Variants in ZBBX observed in about 807,000 individuals in gnomAD.
The protein encoded by ZBBX is zinc finger B-box domain-containing protein 1.
A neutral mutation model predicts 108.5 loss-of-function variants in ZBBX; 101 were observed. The ratio of observed to expected loss-of-function variants is 0.93; its 90% CI spans 0.79 to 1.10. The LOEUF is 1.10. ZBBX is among the 50% of genes least tolerant of loss of function. The pLI is 0.00. For synonymous variants in ZBBX, 356 were observed against 323.4 expected (o/e 1.10, Z -1.08); for missense variants, 1,009 against 941.4 (o/e 1.07, Z -0.94).
intron 20 of ZBBX, among the ~76,000 whole-genome samples, chr3:167,260,201 G>C (rs926665752): frequency 2.6e-5 from 4 of 152,174 alleles, no homozygotes; most frequent in Admixed American, 6.5e-5. Flanking sequence ...TGAGAAATCT[G>C]CTGTTAATCT....
At chr3:167,248,943 G>A (rs1160985686) in intron 20 of ZBBX, among the ~76,000 whole-genome samples, 2 of 152,238 alleles carry the variant, frequency 1.3e-5, no homozygotes, top group Admixed American at 1.3e-4. Flanking sequence ...AAGCAGTGGA[G>A]AGTGAAAGGA....
intron 8 of ZBBX, among the ~76,000 whole-genome samples, chr3:167,353,356 T>C (rs1396009891): frequency 1.3e-5 from 2 of 152,116 alleles, no homozygotes; most frequent in African/African-American, 4.8e-5. Flanking sequence ...AGGAACTAGA[T>C]GGAGGCCATT....
rs984893894 is a variant in ZBBX at position 167,305,945 on chromosome 3, T to G, written c.1423A>C (p.Thr475Pro). ...ATGTTGTCAAAATCTGTGTTTGAAG[T>G]TTCTGCTGTTAAAAACACACAGTTA... Reference protein sequence around the residue: ...TYYKDNSKAETSNTDFDNIVD... With the variant: ...TYYKDNSKAEPSNTDFDNIVD... Residue 475 changes from threonine to proline, a missense_variant, in exon 17 of 22, where the codon ACT becomes CCT. Coordinates refer to ENST00000675490, the MANE Select transcript of ZBBX (RefSeq NM_001199201.2). 6 of 1,533,110 alleles carry G rather than the reference T, an allele frequency of 3.9e-6. No individual in the cohort carries two copies. The highest frequency in any genetic ancestry group is 5.3e-6 in the Non-Finnish European group (6 of 1,142,626). 95.0% of individuals were successfully genotyped at this position (1,533,110 alleles called of 1,614,324 possible).
the ZBBX span, among the ~76,000 whole-genome samples, chr3:167,206,967 C>T: frequency 3.3e-5 from 5 of 152,220 alleles, no homozygotes; most frequent in Admixed American, 3.3e-4. Flanking sequence ...TCCTATACCA[C>T]ATAGAAAATC....
chr3:167,272,807 A>ATAC (rs1726768991), intron 20 of ZBBX, among the ~76,000 whole-genome samples: 2 of 152,304 alleles, frequency 1.3e-5, no homozygotes, highest in Admixed American at 1.3e-4. Context: ...GTAGGAAAAC[A>ATAC]AGTCTGTCAT....
At chr3:167,262,408 G>A (rs769271978) in intron 20 of ZBBX, among the ~76,000 whole-genome samples, 17 of 152,170 alleles carry the variant, frequency 1.1e-4, no homozygotes, top group Non-Finnish European at 2.1e-4. Flanking sequence ...TTCTCTAACC[G>A]TTTTTGTTGG....
Position 167,345,635 on chromosome 3 carries a change from C to G in ZBBX, c.528+4785G>C, listed in dbSNP as rs554807050. On this transcript the variant is annotated intron_variant, in intron 9 of 21. Transcript: ENST00000675490. Reference sequence around the variant, plus strand: ...TTGGTAACTCTGAGAGAAGGAACTGCGTTTCTCAACTCTGCCCCTTCTGTG... The same window carrying G: ...TTGGTAACTCTGAGAGAAGGAACTGGGTTTCTCAACTCTGCCCCTTCTGTG... Among the ~76,000 whole-genome samples the G allele has an allele frequency of 3.0e-3, 461 of 151,854 alleles. 3 individuals carry two copies. Among genetic ancestry groups the G allele is most frequent in the African/African-American group, 0.011 (450 of 41,500 alleles).
chr3:167,227,959 A>T, the ZBBX span, among the ~76,000 whole-genome samples: 1 of 151,674 alleles, frequency 6.6e-6, no homozygotes, highest in Non-Finnish European at 1.5e-5. Flanking sequence ...GTATAGCTGG[A>T]TAATGACTCC....
intron 12 of ZBBX, among the ~76,000 whole-genome samples, chr3:167,319,102 G>T (rs1735955363): frequency 6.6e-6 from 1 of 151,836 alleles, no homozygotes; most frequent in Non-Finnish European, 1.5e-5. Context: ...ACAGTCCCAG[G>T]TATTTACCCA....
chr3:167,307,896 G>A (rs1477420459), intron 16 of ZBBX, among the ~76,000 whole-genome samples: 6 of 152,016 alleles, frequency 3.9e-5, no homozygotes, highest in Non-Finnish European at 8.8e-5. Flanking sequence ...TTCAGGACAT[G>A]GGTATAGGCA....
At chr3:167,184,400 C>T in the ZBBX span, among the ~76,000 whole-genome samples, 2 of 152,170 alleles carry the variant, frequency 1.3e-5, no homozygotes, top group South Asian at 4.1e-4. Flanking sequence ...AGGCTGGTGT[C>T]GAACTCCTTC....
chr3:167,226,951 A>G, the ZBBX span, among the ~76,000 whole-genome samples: 6 of 151,776 alleles, frequency 4.0e-5, no homozygotes, highest in Non-Finnish European at 5.9e-5. Context: ...GTGTGATGCC[A>G]GTGTGGAAGC....
At chr3:167,281,178 C>T (rs1009922643) in intron 20 of ZBBX, among the ~76,000 whole-genome samples, 14 of 151,894 alleles carry the variant, frequency 9.2e-5, no homozygotes, top group Admixed American at 2.0e-4. Flanking sequence ...GGGTGCAGCG[C>T]GCCAGCATGG....
intron 20 of ZBBX, among the ~76,000 whole-genome samples, chr3:167,258,126 T>C (rs1723849651): frequency 6.6e-6 from 1 of 152,122 alleles, no homozygotes; most frequent in African/African-American, 2.4e-5. Context: ...GTTTTGATTA[T>C]GGCTATAATC....
At chr3:167,219,503 A>C in the ZBBX span, among the ~76,000 whole-genome samples, 3 of 152,056 alleles carry the variant, frequency 2.0e-5, no homozygotes, top group African/African-American at 2.4e-5. Context: ...AACACATGGA[A>C]ATTAAATGAT....
chr3:167,337,890 T>C (rs1303032983), intron 9 of ZBBX, among the ~76,000 whole-genome samples: 1 of 152,194 alleles, frequency 6.6e-6, no homozygotes. Context: ...TAAAATATTT[T>C]CAAATGTTAA....
chr3:167,344,043 T>A (rs1466684262), intron 9 of ZBBX, among the ~76,000 whole-genome samples: 1 of 151,778 alleles, frequency 6.6e-6, no homozygotes, highest in Non-Finnish European at 1.5e-5. Context: ...ACCTTAAAAA[T>A]AAATGAAATG....
At chr3:167,218,907 C>A in the ZBBX span, among the ~76,000 whole-genome samples, 1 of 151,906 alleles carries the variant, frequency 6.6e-6, no homozygotes, top group African/African-American at 2.4e-5. Flanking sequence ...TAAAGACACA[C>A]ATAGACTGAA....
intron 8 of ZBBX, among the ~76,000 whole-genome samples, chr3:167,352,831 C>G (rs1000404412): frequency 1.3e-5 from 2 of 151,148 alleles, no homozygotes; most frequent in East Asian, 3.9e-4. Context: ...CATATGCAAA[C>G]CAATAAATGT....
Sources: allele counts gnomAD v4.1 joint callset (sites outside exome capture counted in the v4.1 genomes callset), GRCh38; gene constraint gnomAD v4.1.1; transcripts MANE v1.5; gene names NCBI Gene and HGNC (gene_info 2026-07-23, HGNC 2026-07-21).